The following ROR2 variants were observed in gnomAD, a reference collection of about 807,000 sequenced individuals.
ROR2 encodes tyrosine-protein kinase transmembrane receptor ROR2.
Under a neutral mutation model 74.9 loss-of-function variants are expected in ROR2, and 33 were observed. That is an observed-to-expected ratio of 0.44 (90% CI 0.33 to 0.59). The LOEUF (loss-of-function observed/expected upper bound fraction) is 0.59, where lower values mean the gene tolerates loss of function less well. Among genes scored for constraint, ROR2 ranks in the 20% least tolerant of loss-of-function variants. ROR2 has a pLI of 0.02. For missense variants in ROR2, 1,216 were observed against 1,313.8 expected, an observed-to-expected ratio of 0.93 and a Z score of 1.15; for synonymous variants, 586 against 558.7, an observed-to-expected ratio of 1.05 and a Z score of -0.69.
chr9:91,877,034 A>T (rs766095797), intron 1 of ROR2, among the ~76,000 whole-genome samples: 6 of 152,144 alleles, frequency 3.9e-5, no homozygotes, highest in Non-Finnish European at 8.8e-5. Context: ...CTCCAAGCAA[A>T]AACAAGTCAC....
intron 1 of ROR2, among the ~76,000 whole-genome samples, chr9:91,807,457 G>A (rs907894611): frequency 6.6e-6 from 1 of 152,222 alleles, no homozygotes; most frequent in East Asian, 1.9e-4. Flanking sequence ...AAATAAACCA[G>A]TAAGTGTGTT....
In ROR2 at chr9:91,737,534, CAA is replaced by C. The variant is rs748218696; in HGVS notation, c.495-18_495-17del. On this transcript the variant is annotated splice_polypyrimidine_tract_variant and intron_variant, in intron 4 of 8. Coordinates refer to ENST00000375708, the MANE Select transcript of ROR2 (RefSeq NM_004560.4). ...GTAATCATCCCTGGTAAGAAACACA[CAA>C]AGTCTGTTAGAGCTCTGGGAGGTGC... is the stretch of plus-strand genomic sequence containing the variant. The C allele has an allele frequency of 8.7e-6, 14 of 1,614,164 alleles. No individual in the cohort carries two copies. In the African/African-American group the frequency reaches 1.6e-4, roughly 18 times the overall value.
intron 2 of ROR2, among the ~76,000 whole-genome samples, chr9:91,771,581 A>G (rs1435366983): frequency 2.0e-5 from 3 of 152,236 alleles, no homozygotes; most frequent in Non-Finnish European, 4.4e-5. Flanking sequence ...AGTCTTAAAC[A>G]ATGACAGTAC....
chr9:91,902,335 T>C (rs1211421405), intron 1 of ROR2, among the ~76,000 whole-genome samples: 1 of 152,156 alleles, frequency 6.6e-6, no homozygotes, highest in East Asian at 1.9e-4. Flanking sequence ...CCCTTCGCTG[T>C]CAGGGTCTTT....
At chr9:91,727,149 C>T (rs1299048395) in intron 7 of ROR2, among the ~76,000 whole-genome samples, 2 of 152,124 alleles carry the variant, frequency 1.3e-5, no homozygotes, top group Non-Finnish European at 2.9e-5. Flanking sequence ...CACTGGAGAC[C>T]CTTGTCCAAG....
At chr9:91,815,561 A>G (rs1827901498) in intron 1 of ROR2, among the ~76,000 whole-genome samples, 1 of 152,208 alleles carries the variant, frequency 6.6e-6, no homozygotes, top group African/African-American at 2.4e-5. Context: ...GAGTTACAGG[A>G]TTTTCACTAA....
intron 1 of ROR2, among the ~76,000 whole-genome samples, chr9:91,776,448 A>G (rs971010019): frequency 6.6e-6 from 1 of 152,180 alleles, no homozygotes. Flanking sequence ...CATTTAGAAG[A>G]AAAGTTTCTA....
chr9:91,853,940 T>A (rs1337441435), intron 1 of ROR2, among the ~76,000 whole-genome samples: 1 of 152,146 alleles, frequency 6.6e-6, no homozygotes, highest in African/African-American at 2.4e-5. Context: ...CTGTAATATT[T>A]CCATCATAGA....
chr9:91,814,638 C>T (rs1827869709), intron 1 of ROR2, among the ~76,000 whole-genome samples: 1 of 152,212 alleles, frequency 6.6e-6, no homozygotes, highest in South Asian at 2.1e-4. Flanking sequence ...CTGAGATCCC[C>T]CACGTTTACA....
intron 2 of ROR2, among the ~76,000 whole-genome samples, chr9:91,760,364 T>C (rs1162311991): frequency 1.3e-5 from 2 of 152,192 alleles, no homozygotes; most frequent in Non-Finnish European, 2.9e-5. Flanking sequence ...CTAGGTGCGG[T>C]GGCTCACGCC....
At chr9:91,746,255 T>A (rs1433546877) in intron 4 of ROR2, among the ~76,000 whole-genome samples, 2 of 151,982 alleles carry the variant, frequency 1.3e-5, no homozygotes, top group African/African-American at 4.8e-5. Flanking sequence ...GTTTGTATTT[T>A]TAGTAGAAAG....
rs1009432126 is a variant in ROR2, at chr9:91,905,752, C to T, written c.97+44115G>A. On this transcript the variant is annotated intron_variant, in intron 1 of 8. Coordinates refer to ENST00000375708, the MANE Select transcript of ROR2 (RefSeq NM_004560.4). This position sits in a 1 kb window ranked among gnomAD's most constrained non-coding sequence, Gnocchi z 5.3. ...ATGGGGGTGGGGGGAGGGGCCATCA[C>T]ACTCTTTAGGGAGAGAAAATAGAAA... Among the ~76,000 whole-genome samples, 5 of 151,844 alleles carry T rather than the reference C, an allele frequency of 3.3e-5. No homozygotes were observed. Among genetic ancestry groups the T allele is most frequent in the Non-Finnish European group, 7.4e-5 (5 of 68,002 alleles).
intron 4 of ROR2, among the ~76,000 whole-genome samples, chr9:91,740,578 A>ATATATATGTG (rs776883302): frequency 6.7e-6 from 1 of 149,452 alleles, no homozygotes; most frequent in African/African-American, 2.5e-5. Context: ...ATATATATGT[A>ATATATATGTG]TATATATATA....
chr9:91,939,688 T>C (rs2118039800), intron 1 of ROR2, among the ~76,000 whole-genome samples: 1 of 152,176 alleles, frequency 6.6e-6, no homozygotes, highest in East Asian at 1.9e-4. Context: ...TTGAGTATTT[T>C]GTGTTTGTTA....
intron 4 of ROR2, among the ~76,000 whole-genome samples, chr9:91,750,447 C>T (rs1365685054): frequency 2.0e-5 from 3 of 152,132 alleles, no homozygotes; most frequent in Non-Finnish European, 2.9e-5. Flanking sequence ...ATTATTGATT[C>T]GTGGAAAACG....
intron 1 of ROR2, among the ~76,000 whole-genome samples, chr9:91,884,379 C>T (rs1180336707): frequency 6.6e-6 from 1 of 151,288 alleles, no homozygotes; most frequent in African/African-American, 2.4e-5. Flanking sequence ...CAGTCTCCTC[C>T]AGGAGTCATG....
Position 91,723,959 on chromosome 9 carries a change from C to T in ROR2, c.2535G>A (p.Gln845=), listed in dbSNP as rs1331631181. 1 of 1,613,408 alleles carries T rather than the reference C, an allele frequency of 6.2e-7. No individual in the cohort carries two copies. The highest frequency in any genetic ancestry group is 1.6e-4 in the Middle Eastern group (1 of 6,062). ...GAGGAGGCACCTGCTGCGGGGCCAT[C>T]TGCATTGGGATCTGCACCGGGTAGA... The part of the protein sequence containing the change: ...PNFYPVQIPM[Q]MAPQQVPPQM... The change falls in exon 9 of 9, where the codon CAG becomes CAA. Residue 845 remains glutamine, a synonymous_variant. Transcript: ENST00000375708.
intron 4 of ROR2, among the ~76,000 whole-genome samples, chr9:91,744,392 T>C (rs1252392691): frequency 2.0e-5 from 3 of 151,834 alleles, no homozygotes; most frequent in Non-Finnish European, 1.5e-5. Context: ...CAGCTAATTT[T>C]TGTATTTTTT....
intron 6 of ROR2, among the ~76,000 whole-genome samples, chr9:91,732,739 G>A (rs567203997): frequency 1.1e-4 from 16 of 152,196 alleles, no homozygotes; most frequent in South Asian, 2.1e-4. Context: ...CGTGCTGACC[G>A]TCGGGCAAGT....
Sources: gnomAD v4.1 joint callset for allele counts (sites outside exome capture counted in the v4.1 genomes callset) on GRCh38, gnomAD v4.1.1 for gene constraint, Gnocchi (gnomAD v3.1) non-coding constraint, MANE v1.5 for transcripts, NCBI Gene and HGNC (gene_info 2026-07-23, HGNC 2026-07-21) for gene names.